Variants in MYO19 observed in about 807,000 individuals in gnomAD.
The protein encoded by MYO19 is myosin XIX.
In MYO19, 132 loss-of-function variants were observed where a neutral mutation model predicts 129.2. The observed-to-expected ratio is 1.02, with a 90% CI of 0.89 to 1.18. The LOEUF (loss-of-function observed/expected upper bound fraction) is 1.18, where lower values mean the gene tolerates loss of function less well. Among genes scored for constraint, MYO19 ranks in the 50% most tolerant of loss-of-function variants. The pLI, the probability that MYO19 is intolerant of heterozygous loss-of-function variation, is 0.00. For missense variants in MYO19, 1,210 were observed against 1,216.7 expected (o/e 0.99, Z 0.08); for synonymous variants, 531 against 477.2 (o/e 1.11, Z -1.47).
chr17:36,513,795 TG>T, intron 9 of MYO19, 70 bp from the exon 10 acceptor site: 1 of 1,389,396 alleles, frequency 7.2e-7, no homozygotes, highest in Non-Finnish European at 1.0e-6. Context: ...TAGGCAGGCA[TG>T]GGGTTGGGAT....
chr17:36,510,727 G>A lies in MYO19; in HGVS notation c.1157+19C>T. On this transcript the variant is annotated intron_variant, in intron 13 of 25. Coordinates refer to ENST00000614623, the MANE Select transcript of MYO19 (RefSeq NM_001163735.2). ...CTTGTCGGGGTCCTCCCCAACAAGG[G>A]GCCAGAGTAACTGCTCACCGCGCAT... 1.3e-6 allele frequency: 2 copies of A among 1,578,726 alleles called. No individual in the cohort carries two copies. Among genetic ancestry groups the A allele is most frequent in the Non-Finnish European group, 1.7e-6 (2 of 1,157,746 alleles).
chr17:36,497,335 C>A (rs1209243952), intron 25 of MYO19, among the ~76,000 whole-genome samples: 4 of 142,970 alleles, frequency 2.8e-5, no homozygotes, highest in Admixed American at 6.8e-5. Flanking sequence ...AAAAAAAAAA[C>A]CCACAGAGAA....
intron 24 of MYO19, 192 bp from the exon 25 acceptor site, chr17:36,498,751 A>G: frequency 1.6e-6 from 1 of 626,808 alleles, no homozygotes; most frequent in Non-Finnish European, 2.8e-6. Context: ...AACTGTGCTT[A>G]GGCCTTACAT....
At chr17:36,498,721 C>A (rs568129408) in intron 24 of MYO19, 162 bp from the exon 25 acceptor site, 12 of 709,446 alleles carry the variant, frequency 1.7e-5, no homozygotes, top group African/African-American at 5.3e-5. Flanking sequence ...CCATATGCCA[C>A]AAGTCTATAC....
At position 36,542,726 on chromosome 17, in the gene MYO19, T is replaced by C. The variant is rs1599483161; in HGVS notation, n.310+400A>G. Among the ~76,000 whole-genome samples the C allele has an allele frequency of 2.0e-5, 3 of 149,548 alleles. 1 individual carries two copies. The South Asian group carries it at 6.3e-4, about 31-fold the overall frequency. On this transcript the variant is annotated intron_variant and non_coding_transcript_variant, in intron 1 of 2. Coordinates refer to the MYO19 transcript ENST00000610496. ...AAAAAAAAAAAAGGTTTAAAGTGGG[T>C]ACATTAATTGATGTACCACTGTAGG...
intron 5 of MYO19, 42 bp from the exon 6 acceptor site, chr17:36,525,383 GT>G (rs1429770097): frequency 2.2e-6 from 3 of 1,375,246 alleles, no homozygotes; most frequent in Middle Eastern, 1.8e-4. Flanking sequence ...GGGAATGCCT[GT>G]TTTTCAATGA....
At chr17:36,503,317 C>A (rs1293482224) in intron 20 of MYO19, 117 bp from the exon 21 acceptor site, 4 of 819,644 alleles carry the variant, frequency 4.9e-6, no homozygotes, top group Non-Finnish European at 8.2e-6. Flanking sequence ...CACGGTGCTG[C>A]CCTCCCCGAG....
chr17:36,496,773 TACTC>T (rs1334729481), intron 25 of MYO19, among the ~76,000 whole-genome samples: 2 of 152,224 alleles, frequency 1.3e-5, no homozygotes, highest in Non-Finnish European at 2.9e-5. Context: ...TCATTTCACT[TACTC>T]CTTGCTGTGA....
intron 11 of MYO19, among the ~76,000 whole-genome samples, chr17:36,512,177 TCC>T (rs2072378429): frequency 6.9e-6 from 1 of 145,984 alleles, no homozygotes; most frequent in African/African-American, 2.6e-5. Context: ...ATGGTGAACC[TCC>T]ATCTCTACTA....
Position 36,512,925 on chromosome 17 carries a change from C to CA in MYO19, c.894+503dup, listed in dbSNP as rs2072466795. 13 of 895,832 alleles carry CA rather than the reference C, an allele frequency of 1.5e-5. No individual in the cohort carries two copies. In the South Asian group the frequency reaches 2.1e-4, roughly 14 times the overall value. The allele number at this position is 895,832 out of a possible 1,614,324, so 55.5% of individuals were successfully genotyped here. ...CGACGGGGCACGGGTTGGGGGAAGA[C>CA]AGAGAGGGTAGGAACTTGGAATTAC... On this transcript the variant is annotated intron_variant, in intron 11 of 25. Coordinates refer to ENST00000614623, the MANE Select transcript of MYO19 (RefSeq NM_001163735.2).
At position 36,506,555 on chromosome 17, in the gene MYO19, C is replaced by A; in HGVS notation, c.1698G>T (p.Leu566=). 6.3e-7 allele frequency: 1 copy of A among 1,581,666 alleles called. No individual in the cohort carries two copies. Among genetic ancestry groups the A allele is most frequent in the Non-Finnish European group, 8.6e-7 (1 of 1,167,754 alleles). The change falls in exon 18 of 26, where the codon CTG becomes CTT. Residue 566 remains leucine (L), a synonymous_variant. Transcript: ENST00000614623. ...GGTTAGTAGGAAACAGCCCCATGAG[C>A]AGGGGGTCCTGGGATTGCTGCAGGA... ...TRLLQQSQDP[L]LMGLFPTNPK...
intron 6 of MYO19, among the ~76,000 whole-genome samples, chr17:36,521,184 T>G (rs1442116493): frequency 2.6e-5 from 4 of 152,162 alleles, no homozygotes; most frequent in African/African-American, 9.7e-5. Context: ...TCCCACAAGT[T>G]TAAAAAGCTA....
At chr17:36,512,578 A>T (rs983689458) in intron 11 of MYO19, 1 of 1,241,944 alleles carries the variant, frequency 8.1e-7, no homozygotes, top group Non-Finnish European at 1.0e-6. Context: ...CCACCCCCAA[A>T]GCACTCCTGC....
intron 6 of MYO19, among the ~76,000 whole-genome samples, chr17:36,518,911 CTTT>C (rs1237995460): frequency 6.6e-6 from 1 of 151,954 alleles, no homozygotes; most frequent in Non-Finnish European, 1.5e-5. Context: ...TTCTAGGTGT[CTTT>C]GTTGTTTATT....
At chr17:36,525,842 G>A (rs185634423) in intron 5 of MYO19, among the ~76,000 whole-genome samples, 6 of 152,274 alleles carry the variant, frequency 3.9e-5, no homozygotes, top group Admixed American at 6.5e-5. Context: ...ACTATTAACT[G>A]TCTTCAATGT....
chr17:36,529,383 G>A (rs1235704568), intron 3 of MYO19, among the ~76,000 whole-genome samples: 5 of 152,032 alleles, frequency 3.3e-5, no homozygotes, highest in Middle Eastern at 3.2e-3. Context: ...TTCTCCTACT[G>A]TCTCCTTTGG....
Position 36,500,512 on chromosome 17 carries a change from G to A in MYO19, c.2377+318C>T, listed in dbSNP as rs187912446. 94 of 319,960 alleles carry A rather than the reference G, an allele frequency of 2.9e-4. No homozygotes were observed. In the East Asian group the frequency reaches 4.7e-3, roughly 16 times the overall value. 19.8% of individuals were successfully genotyped at this position (319,960 alleles called of 1,614,324 possible). On this transcript the variant is annotated intron_variant, in intron 23 of 25. Transcript: ENST00000614623. Reference sequence around the variant, plus strand: ...CCTAGAGCCCAGCAGGTAATGGTTTGAGTTGTCATAAAGGGAAAAAAAGTT... The same window carrying A: ...CCTAGAGCCCAGCAGGTAATGGTTTAAGTTGTCATAAAGGGAAAAAAAGTT...
At position 36,495,796 on chromosome 17, in the gene MYO19, A is replaced by G. The variant is rs894469109; in HGVS notation, c.*455T>C. 1.6e-6 allele frequency: 2 copies of G among 1,240,054 alleles called. No individual in the cohort carries two copies. Among genetic ancestry groups the G allele is most frequent in the African/African-American group, 3.1e-5 (2 of 64,560 alleles). The allele number at this position is 1,240,054 out of a possible 1,614,324, so 76.8% of individuals were successfully genotyped here. ...TAATTTAATTGTTTGAAATTACATT[A>G]AATAAATCAACTAATTAAATACTAA... On this transcript the variant is annotated 3_prime_UTR_variant, in exon 26 of 26. Coordinates refer to ENST00000614623, the MANE Select transcript of MYO19 (RefSeq NM_001163735.2).
At chr17:36,513,369 C>T in intron 11 of MYO19, 60 bp downstream of exon 11, 4 of 1,613,654 alleles carry the variant, frequency 2.5e-6, no homozygotes, top group Non-Finnish European at 3.4e-6. Context: ...GGGAAAAGCT[C>T]TATGCAAAGG....
Sources: gnomAD v4.1 joint callset for allele counts (sites outside exome capture counted in the v4.1 genomes callset) on GRCh38, gnomAD v4.1.1 for gene constraint, MANE v1.5 for transcripts, NCBI Gene and HGNC (gene_info 2026-07-23, HGNC 2026-07-21) for gene names.